Variants in EXT2 observed in about 807,000 individuals in gnomAD.
EXT2 encodes the protein exostosin-2.
Under a neutral mutation model 81.6 loss-of-function variants are expected in EXT2, and 53 were observed. The ratio of observed to expected loss-of-function variants is 0.65; its 90% CI spans 0.52 to 0.82. The LOEUF (loss-of-function observed/expected upper bound fraction) is 0.82, where lower values mean the gene tolerates loss of function less well. Ranked by LOEUF, EXT2 falls within the 40% of genes least tolerant of loss-of-function variation. EXT2 has a pLI of 0.00. For missense variants in EXT2, 774 were observed against 910.2 expected (o/e 0.85, Z 1.93); for synonymous variants, 320 against 340.0 (o/e 0.94, Z 0.65).
chr11:44,096,283 C>T (rs1425011408), intron 1 of EXT2: 2 of 1,536,020 alleles, frequency 1.3e-6, no homozygotes, highest in East Asian at 2.4e-5. Context: ...CGGTGGTGGC[C>T]TGCGGCATCC....
chr11:44,166,210 G>A (rs1015351260), intron 7 of EXT2, among the ~76,000 whole-genome samples: 1 of 152,194 alleles, frequency 6.6e-6, no homozygotes, highest in African/African-American at 2.4e-5. Context: ...TATGGCAAAG[G>A]CTGTAAGGGC....
At chr11:44,244,060 C>A (rs1956068909) in intron 13 of EXT2, 89 bp from the exon 14 acceptor site, 2 of 1,218,798 alleles carry the variant, frequency 1.6e-6, no homozygotes, top group African/African-American at 1.5e-5. Flanking sequence ...TATCTCTCAA[C>A]CTCTTGAACA....
chr11:44,145,901 A>G (rs1039133030), intron 7 of EXT2, among the ~76,000 whole-genome samples: 1 of 152,256 alleles, frequency 6.6e-6, no homozygotes, highest in Non-Finnish European at 1.5e-5. Context: ...CAAGTGGCCA[A>G]CATTTTTGAA....
Position 44,108,247 on chromosome 11 carries a change from A to G in EXT2, c.535A>G (p.Arg179Gly). 6.2e-7 allele frequency: 1 copy of G among 1,611,728 alleles called. No homozygotes were observed. The part of the protein sequence containing the change: ...ETAQAMAQLS[R>G]WDRGTNHLLF... ...AGCACAAGCGATGGCCCAGCTCTCT[A>G]GGTATCTCACACTCATACAGCCCAG... Residue 179 changes from arginine to glycine, a missense_variant and splice_region_variant, in exon 2 of 14, where the codon AGG becomes GGG. Physicochemically the swap from Arg to Gly is moderately radical, Grantham distance 125. Transcript: ENST00000533608.
At chr11:44,225,694 G>A (rs1955831192) in intron 10 of EXT2, among the ~76,000 whole-genome samples, 2 of 152,216 alleles carry the variant, frequency 1.3e-5, no homozygotes, top group Non-Finnish European at 2.9e-5. Flanking sequence ...ATAGTAGGAA[G>A]TCAGATGACT....
intron 7 of EXT2, among the ~76,000 whole-genome samples, chr11:44,131,441 G>C (rs1184413665): frequency 1.3e-5 from 2 of 152,118 alleles, no homozygotes; most frequent in Non-Finnish European, 2.9e-5. Context: ...GTACCCTTAG[G>C]TAAGGATCTG....
rs1183076518 is a variant in EXT2 at position 44,197,961 on chromosome 11, C to T, written c.1438C>T (p.Pro480Ser). ...FRVITEVSKV[P>S]SLSKLLVVWN... ...GGTCATCACTGAAGTGTCCAAGGTG[C>T]CCAGTCTATCCAAACTACTTGTCGT... The change falls in exon 9 of 14, where the codon CCC (proline) becomes TCC (serine). Residue 480 changes from proline (P) to serine (S), a missense_variant. Transcript: ENST00000533608. 4.3e-6 allele frequency: 7 copies of T among 1,613,952 alleles called. No homozygotes were observed. The African/African-American group carries it at 8.0e-5, about 18-fold the overall frequency.
chr11:44,161,277 C>A (rs560005854), intron 7 of EXT2, among the ~76,000 whole-genome samples: 9 of 152,156 alleles, frequency 5.9e-5, no homozygotes, highest in African/African-American at 1.4e-4. Context: ...TATTTTTCTC[C>A]AGCCACAAAT....
At chr11:44,208,255 T>C (rs550809613) in intron 10 of EXT2, among the ~76,000 whole-genome samples, 1 of 152,232 alleles carries the variant, frequency 6.6e-6, no homozygotes, top group South Asian at 2.1e-4. Flanking sequence ...CTTCAAATGC[T>C]ACCCATGTGT....
intron 10 of EXT2, 86 bp downstream of exon 10, chr11:44,207,045 C>T: frequency 2.7e-6 from 4 of 1,460,370 alleles, no homozygotes; most frequent in Non-Finnish European, 3.8e-6. Flanking sequence ...TATTATATTT[C>T]CTTCTTAAAA....
chr11:44,115,235 T>C (rs1954204994), intron 4 of EXT2, among the ~76,000 whole-genome samples: 1 of 152,214 alleles, frequency 6.6e-6, no homozygotes, highest in Non-Finnish European at 1.5e-5. Flanking sequence ...TTTTGCTTTT[T>C]TAAGTGACAG....
At chr11:44,215,526 A>C (rs1292383433) in intron 10 of EXT2, among the ~76,000 whole-genome samples, 2 of 152,160 alleles carry the variant, frequency 1.3e-5, no homozygotes, top group African/African-American at 4.8e-5. Context: ...CTATTTTGGT[A>C]AATGTTCTGT....
At chr11:44,212,756 A>G (rs1010182766) in intron 10 of EXT2, among the ~76,000 whole-genome samples, 1 of 152,228 alleles carries the variant, frequency 6.6e-6, no homozygotes, top group Non-Finnish European at 1.5e-5. Flanking sequence ...GAAAGAAAGA[A>G]ATGGATACAT....
At chr11:44,170,545 C>T (rs578104418) in intron 7 of EXT2, among the ~76,000 whole-genome samples, 3 of 151,972 alleles carry the variant, frequency 2.0e-5, no homozygotes, top group African/African-American at 7.2e-5. Context: ...AAAAGATTAA[C>T]AAAATTGATA....
chr11:44,162,065 G>A (rs1954935075), intron 7 of EXT2, among the ~76,000 whole-genome samples: 1 of 152,166 alleles, frequency 6.6e-6, no homozygotes, highest in African/African-American at 2.4e-5. Context: ...AGGACTTTAG[G>A]AGAAAACTGG....
intron 13 of EXT2, among the ~76,000 whole-genome samples, chr11:44,242,190 G>A (rs918684220): frequency 6.6e-6 from 1 of 152,200 alleles, no homozygotes; most frequent in Non-Finnish European, 1.5e-5. Flanking sequence ...GGGCTTTGCC[G>A]GCCAGAGTCT....
intron 10 of EXT2, 142 bp from the exon 11 acceptor site, chr11:44,232,211 A>C (rs1437254763): frequency 8.7e-6 from 9 of 1,036,892 alleles, no homozygotes; most frequent in Non-Finnish European, 1.0e-5. Context: ...GTTTGATGGA[A>C]CATCTCCAGA....
At chr11:44,115,870 G>A (rs1030680513) in intron 4 of EXT2, 1 of 152,182 alleles carries the variant, frequency 6.6e-6, no homozygotes, top group Non-Finnish European at 1.5e-5. Flanking sequence ...AAGCCCAGGT[G>A]AGCTTGAGAC....
At position 44,248,998 on chromosome 11, in the gene EXT2, T is replaced by G. The variant is rs1160680299; in HGVS notation, c.*4711T>G. On this transcript the variant is annotated 3_prime_UTR_variant, in exon 14 of 14. Coordinates refer to ENST00000533608, the MANE Select transcript of EXT2 (RefSeq NM_207122.2). ...TTTGTTTGTTTGTTTGTTTTTGTTT[T>G]TTTTGTTTTTTCTTTGGAAACAGAG... 6.6e-6 allele frequency among the ~76,000 whole-genome samples: 1 copy of G among 152,120 alleles called. No homozygotes were observed. The highest frequency in any genetic ancestry group is 1.5e-5 in the Non-Finnish European group (1 of 68,032).
Sources: gnomAD v4.1 joint callset for allele counts (sites outside exome capture counted in the v4.1 genomes callset) on GRCh38, gnomAD v4.1.1 for gene constraint, MANE v1.5 for transcripts, NCBI Gene and HGNC (gene_info 2026-07-23, HGNC 2026-07-21) for gene names.